The following CACNA1C variants were observed in gnomAD, a reference collection of about 807,000 sequenced individuals.
CACNA1C encodes the protein voltage-dependent L-type calcium channel subunit alpha-1C.
Under a neutral mutation model 229.0 loss-of-function variants are expected in CACNA1C, and 30 were observed. The ratio of observed to expected loss-of-function variants is 0.13; its 90% CI spans 0.10 to 0.18. The LOEUF (loss-of-function observed/expected upper bound fraction) is 0.18. CACNA1C is among the 10% of genes least tolerant of loss of function. The probability of loss-of-function intolerance (pLI) is 1.00; values close to 1 mark genes in which losing one functional copy is unlikely to be tolerated. For missense variants in CACNA1C, 1,658 were observed against 2,845.0 expected (o/e 0.58, Z 9.49); for synonymous variants, 1,114 against 1,132.5 (o/e 0.98, Z 0.33).
chr12:2,558,663 G>T (rs903194107), intron 11 of CACNA1C, among the ~76,000 whole-genome samples: 3 of 152,212 alleles, frequency 2.0e-5, no homozygotes, highest in African/African-American at 7.2e-5. Context: ...CCCCAGTGTT[G>T]CTGGGCTTCC....
Position 2,053,659 on chromosome 12 carries a change from C to A in CACNA1C, c.49+48C>A. Reference sequence around the variant, plus strand: ...CGCCGGGGCTCCCTGCCTTTTCCACCGGGTTCCTGCCCTACCCGCGCTCCC... The same window carrying A: ...CGCCGGGGCTCCCTGCCTTTTCCACAGGGTTCCTGCCCTACCCGCGCTCCC... On this transcript the variant is annotated intron_variant, in intron 1 of 46. Transcript: ENST00000399655. The surrounding 1 kb of genome is among the most constrained non-coding windows in gnomAD (Gnocchi z 5.8). The A allele has an allele frequency of 1.4e-6, 2 of 1,409,190 alleles. No individual in the cohort carries two copies. The highest frequency in any genetic ancestry group is 1.9e-6 in the Non-Finnish European group (2 of 1,061,518). The allele number at this position is 1,409,190 out of a possible 1,614,324, so 87.3% of individuals were successfully genotyped here.
intron 3 of CACNA1C, among the ~76,000 whole-genome samples, chr12:2,235,478 G>A (rs769087): frequency 0.35 from 53,971 of 152,034 alleles, 10,316 homozygotes; most frequent in African/African-American, 0.48. Flanking sequence ...TCATGGGTTA[G>A]ATATTTTTAA....
chr12:2,101,692 G>A (rs1244285501), intron 1 of CACNA1C, among the ~76,000 whole-genome samples: 1 of 152,058 alleles, frequency 6.6e-6, no homozygotes, highest in Non-Finnish European at 1.5e-5. Context: ...AAGGGTGCCC[G>A]CCCAGTTCAG....
chr12:2,535,990 A>C (rs1245307098), intron 9 of CACNA1C, among the ~76,000 whole-genome samples: 5 of 152,246 alleles, frequency 3.3e-5, no homozygotes, highest in Non-Finnish European at 7.3e-5. Context: ...AAATGTCATC[A>C]ATGGCGGCAG....
At chr12:2,184,063 CCT>C (rs1026730932) in intron 3 of CACNA1C, among the ~76,000 whole-genome samples, 18 of 152,192 alleles carry the variant, frequency 1.2e-4, no homozygotes, top group African/African-American at 4.1e-4. Flanking sequence ...GCAGGAATCT[CCT>C]CTCTTTTCTC....
intron 3 of CACNA1C, among the ~76,000 whole-genome samples, chr12:2,330,149 G>T (rs1056545663): frequency 1.3e-5 from 2 of 152,158 alleles, no homozygotes; most frequent in Non-Finnish European, 2.9e-5. Flanking sequence ...TGTTTGAATT[G>T]CATCCTCCCG....
chr12:2,370,927 C>G (rs1335297950), intron 3 of CACNA1C, among the ~76,000 whole-genome samples: 1 of 152,084 alleles, frequency 6.6e-6, no homozygotes. Flanking sequence ...CGTCTGCTCT[C>G]CAAGTTTAAA....
intron 1 of CACNA1C, among the ~76,000 whole-genome samples, chr12:1,973,286 T>C (rs994614169): frequency 1.2e-4 from 19 of 152,196 alleles, no homozygotes; most frequent in Non-Finnish European, 2.2e-4. Context: ...TCAAAGCAGA[T>C]GAGAAGCAGT....
chr12:2,595,448 G>A lies in CACNA1C; in HGVS notation c.2664-426G>A, dbSNP rs2067680904. The stretch of plus-strand genomic sequence containing the variant: ...GCACATTTAAAGCTATTACACAGGA[G>A]CAGATCACCTACAGAGAGCCGGTTT... On this transcript the variant is annotated intron_variant, in intron 19 of 46. Coordinates refer to ENST00000399655, the MANE Select transcript of CACNA1C (RefSeq NM_000719.7). This position sits in a 1 kb window ranked among gnomAD's most constrained non-coding sequence, Gnocchi z 4.1. Among the ~76,000 whole-genome samples, 1 of 152,102 alleles carries A rather than the reference G, an allele frequency of 6.6e-6. No individual in the cohort carries two copies. The highest frequency in any genetic ancestry group is 1.5e-5 in the Non-Finnish European group (1 of 68,026).
chr12:2,049,951 G>T (rs2051830715), upstream of CACNA1C, among the ~76,000 whole-genome samples: 2 of 152,168 alleles, frequency 1.3e-5, 1 homozygote, highest in South Asian at 4.1e-4. Flanking sequence ...GGAAAGGAAA[G>T]AACACATTTC....
intron 10 of CACNA1C, among the ~76,000 whole-genome samples, chr12:2,551,387 A>C (rs1019859215): frequency 6.6e-6 from 1 of 152,234 alleles, no homozygotes; most frequent in Non-Finnish European, 1.5e-5. Context: ...CTCAGAGCAC[A>C]TGCTCTGCAG....
chr12:2,541,333 T>C (rs1199133972), intron 9 of CACNA1C, among the ~76,000 whole-genome samples: 1 of 152,186 alleles, frequency 6.6e-6, no homozygotes, highest in Non-Finnish European at 1.5e-5. Context: ...CTTTTGCTTG[T>C]TAACCGTAAG....
intron 1 of CACNA1C, among the ~76,000 whole-genome samples, chr12:2,014,774 C>T (rs530509417): frequency 3.3e-5 from 5 of 152,300 alleles, no homozygotes; most frequent in African/African-American, 1.2e-4. Context: ...GGACATAAGA[C>T]TTTTCTGGTT....
intron 1 of CACNA1C, among the ~76,000 whole-genome samples, chr12:2,075,005 G>C (rs952423765): frequency 6.6e-6 from 1 of 152,228 alleles, no homozygotes; most frequent in African/African-American, 2.4e-5. Flanking sequence ...AGCTCCAGTG[G>C]AGACGTCCAA....
At chr12:2,309,030 A>T (rs1488354812) in intron 3 of CACNA1C, among the ~76,000 whole-genome samples, 2 of 152,210 alleles carry the variant, frequency 1.3e-5, no homozygotes, top group Admixed American at 6.5e-5. Flanking sequence ...TTTCTAAGAG[A>T]TATTTGCACC....
At chr12:2,391,698 A>G (rs1276558601) in intron 3 of CACNA1C, among the ~76,000 whole-genome samples, 1 of 152,180 alleles carries the variant, frequency 6.6e-6, no homozygotes, top group Non-Finnish European at 1.5e-5. Context: ...GGTTTAATTG[A>G]AAGTATTTCT....
intron 5 of CACNA1C, among the ~76,000 whole-genome samples, chr12:2,477,515 C>G (rs2099636114): frequency 6.6e-6 from 1 of 152,170 alleles, no homozygotes; most frequent in South Asian, 2.1e-4. Context: ...TGCTCTCCAC[C>G]CTTCCCCACT....
chr12:2,577,981 G>A (rs1031388206), intron 13 of CACNA1C, among the ~76,000 whole-genome samples: 4 of 150,636 alleles, frequency 2.7e-5, no homozygotes, highest in Non-Finnish European at 4.4e-5. Flanking sequence ...CCATTCTCCT[G>A]CCTCAGCCTC....
At chr12:2,262,201 C>A (rs2080537533) in intron 3 of CACNA1C, among the ~76,000 whole-genome samples, 1 of 152,214 alleles carries the variant, frequency 6.6e-6, no homozygotes, top group Non-Finnish European at 1.5e-5. Context: ...ATGACTTGGT[C>A]CTCCCATCAG....
Sources: allele counts gnomAD v4.1 joint callset (sites outside exome capture counted in the v4.1 genomes callset), GRCh38; gene constraint gnomAD v4.1.1; non-coding constraint Gnocchi (gnomAD v3.1); transcripts MANE v1.5; gene names NCBI Gene and HGNC (gene_info 2026-07-23, HGNC 2026-07-21).